NECAB1: variants seen among roughly 807,000 people sequenced by gnomAD.
The protein encoded by NECAB1 is N-terminal EF-hand calcium binding protein 1.
NECAB1 carries 29 observed loss-of-function variants against 57.5 expected under a neutral mutation model. The ratio of observed to expected loss-of-function variants is 0.50; its 90% CI spans 0.38 to 0.69. The LOEUF (loss-of-function observed/expected upper bound fraction) is 0.69, where lower values mean the gene tolerates loss of function less well. Among genes scored for constraint, NECAB1 ranks in the 30% least tolerant of loss-of-function variants. NECAB1 has a pLI of 0.00. For synonymous variants in NECAB1, 142 were observed against 147.7 expected (o/e 0.96, Z 0.28); for missense variants, 372 against 413.8 (o/e 0.90, Z 0.88).
intron 5 of NECAB1, among the ~76,000 whole-genome samples, chr8:90,901,194 A>G (rs1354683830): frequency 1.3e-5 from 2 of 151,874 alleles, no homozygotes; most frequent in Non-Finnish European, 2.9e-5. Flanking sequence ...AACCTTTTTG[A>G]GAAAAACCTT....
intron 11 of NECAB1, among the ~76,000 whole-genome samples, chr8:90,950,697 C>G (rs1301830322): frequency 2.0e-5 from 3 of 152,106 alleles, no homozygotes; most frequent in African/African-American, 7.2e-5. Context: ...GTATTTCAGC[C>G]ATAGAAGGAA....
intron 6 of NECAB1, among the ~76,000 whole-genome samples, chr8:90,921,142 G>A (rs185159902): frequency 1.4e-3 from 209 of 152,124 alleles, no homozygotes; most frequent in African/African-American, 4.8e-3. Flanking sequence ...TTAGCCTCCC[G>A]AGTAACTGGG....
chr8:90,904,978 G>A (rs1339965348), intron 5 of NECAB1, among the ~76,000 whole-genome samples: 1 of 152,108 alleles, frequency 6.6e-6, no homozygotes, highest in Non-Finnish European at 1.5e-5. Flanking sequence ...TAGTATAGAA[G>A]AAAATAGTTT....
intron 3 of NECAB1, among the ~76,000 whole-genome samples, chr8:90,850,848 A>C (rs10108616): frequency 6.6e-6 from 1 of 151,952 alleles, no homozygotes; most frequent in Admixed American, 6.5e-5. Flanking sequence ...GATGAGAGGA[A>C]CATCTTTTGT....
chr8:90,928,184 A>C, intron 7 of NECAB1, 39 bp from the exon 8 acceptor site: 2 of 1,457,782 alleles, frequency 1.4e-6, no homozygotes, highest in Non-Finnish European at 1.9e-6. Flanking sequence ...CTCTGTCTAA[A>C]GTTTAACATA....
intron 2 of NECAB1, among the ~76,000 whole-genome samples, chr8:90,807,078 AATTTGT>A (rs1160375380): frequency 6.6e-6 from 1 of 152,122 alleles, no homozygotes; most frequent in Non-Finnish European, 1.5e-5. Context: ...TTAGAGCCTG[AATTTGT>A]ATACATCTTG....
intron 2 of NECAB1, among the ~76,000 whole-genome samples, chr8:90,822,621 C>A (rs1812160099): frequency 6.6e-6 from 1 of 151,722 alleles, no homozygotes; most frequent in African/African-American, 2.4e-5. Flanking sequence ...TGATAGAATG[C>A]ACATTATTAT....
intron 3 of NECAB1, among the ~76,000 whole-genome samples, chr8:90,829,525 T>G (rs1180299945): frequency 6.6e-6 from 1 of 152,062 alleles, no homozygotes; most frequent in Non-Finnish European, 1.5e-5. Flanking sequence ...GATGGACGTT[T>G]CACTTCTGTG....
intron 11 of NECAB1, 63 bp from the exon 12 acceptor site, chr8:90,951,050 C>A: frequency 1.0e-6 from 1 of 999,544 alleles, no homozygotes; most frequent in Non-Finnish European, 1.5e-6. Context: ...AATTTGATCT[C>A]TGCTGTACTT....
intron 7 of NECAB1, 47 bp downstream of exon 7, chr8:90,925,703 T>G (rs774462004): frequency 6.2e-7 from 1 of 1,605,184 alleles, no homozygotes. Context: ...CTATTTATCT[T>G]GCGTTTTCCA....
In NECAB1 at chr8:90,802,478, CTATAT is replaced by C. The variant is rs559074597; in HGVS notation, c.124+768_124+772del. Among the ~76,000 whole-genome samples the C allele has an allele frequency of 1.4e-4, 21 of 152,204 alleles. No homozygotes were observed. In the East Asian group the frequency reaches 3.7e-3, roughly 27 times the overall value. ...TTTTGTTTTGTTTTTCTTTTTGCTG[CTATAT>C]TATAAGTACCATGGTAGAGGTATAT... On this transcript the variant is annotated intron_variant, in intron 2 of 12. Coordinates refer to ENST00000417640, the MANE Select transcript of NECAB1 (RefSeq NM_022351.5).
intron 12 of NECAB1, among the ~76,000 whole-genome samples, chr8:90,954,367 A>G (rs77845013): frequency 0.064 from 9,778 of 152,204 alleles, 370 homozygotes; most frequent in Admixed American, 0.073. Context: ...CCTCTCAAGT[A>G]TAAAATCATT....
chr8:90,930,204 T>C (rs953061106), intron 8 of NECAB1, among the ~76,000 whole-genome samples: 1 of 152,122 alleles, frequency 6.6e-6, no homozygotes, highest in Admixed American at 6.5e-5. Context: ...AGGTATGATA[T>C]GAGATGGGCC....
At chr8:90,833,814 A>G (rs1217666110) in intron 3 of NECAB1, among the ~76,000 whole-genome samples, 2 of 152,092 alleles carry the variant, frequency 1.3e-5, no homozygotes, top group Non-Finnish European at 2.9e-5. Flanking sequence ...CATTTTTCTC[A>G]AGAATGGTCA....
intron 1 of NECAB1, among the ~76,000 whole-genome samples, chr8:90,793,410 G>A (rs940840094): frequency 6.6e-6 from 1 of 152,144 alleles, no homozygotes; most frequent in Admixed American, 6.5e-5. Flanking sequence ...CTCAGGTGTG[G>A]TCATTCCTAT....
At chr8:90,942,641 T>G (rs776068790) in intron 10 of NECAB1, among the ~76,000 whole-genome samples, 3 of 152,194 alleles carry the variant, frequency 2.0e-5, no homozygotes, top group African/African-American at 4.8e-5. Flanking sequence ...CCCAGCACTT[T>G]GGGAGGCCGA....
Position 90,907,188 on chromosome 8 carries a change from G to GA in NECAB1, c.358-10302dup, listed in dbSNP as rs1554574177. Among the ~76,000 whole-genome samples the GA allele has an allele frequency of 1.7e-3, 244 of 142,488 alleles. 1 individual carries two copies. Among genetic ancestry groups the GA allele is most frequent in the African/African-American group, 6.2e-3 (216 of 34,634 alleles). 93.5% of individuals were successfully genotyped at this position (142,488 alleles called of 152,430 possible). On this transcript the variant is annotated intron_variant, in intron 5 of 12. Transcript: ENST00000417640. ...AGAGAGAGAGAGAGAGAGAGAGAGA[G>GA]AATTAGTAGACTGCATTGTTTTAGC...
chr8:90,929,964 A>G (rs921671918), intron 8 of NECAB1, among the ~76,000 whole-genome samples: 1 of 152,220 alleles, frequency 6.6e-6, no homozygotes, highest in Non-Finnish European at 1.5e-5. Flanking sequence ...CTCAAATAAT[A>G]GTCTAAGGAA....
intron 9 of NECAB1, among the ~76,000 whole-genome samples, chr8:90,935,401 T>A (rs1810511977): frequency 6.6e-6 from 1 of 152,166 alleles, no homozygotes; most frequent in African/African-American, 2.4e-5. Context: ...TCACTGCATG[T>A]CTAGTGCTTT....
Sources: gnomAD v4.1 joint callset for allele counts (sites outside exome capture counted in the v4.1 genomes callset) on GRCh38, gnomAD v4.1.1 for gene constraint, MANE v1.5 for transcripts, NCBI Gene and HGNC (gene_info 2026-07-23, HGNC 2026-07-21) for gene names.